PALM2AKAP2: variants seen among roughly 807,000 people sequenced by gnomAD.
PALM2AKAP2 encodes the protein PALM2-AKAP2 fusion protein.
Under a neutral mutation model 71.5 loss-of-function variants are expected in PALM2AKAP2, and 37 were observed. That is an observed-to-expected ratio of 0.52 (90% CI 0.40 to 0.68). The LOEUF (loss-of-function observed/expected upper bound fraction) is 0.68, where lower values mean the gene tolerates loss of function less well. Among genes scored for constraint, PALM2AKAP2 ranks in the 30% least tolerant of loss-of-function variants. PALM2AKAP2 has a pLI of 0.00. For synonymous variants in PALM2AKAP2, 468 were observed against 478.8 expected, an observed-to-expected ratio of 0.98 and a Z score of 0.29; for missense variants, 1,224 against 1,191.8, an observed-to-expected ratio of 1.03 and a Z score of -0.40.
At position 109,766,241 on chromosome 9, in the gene PALM2AKAP2, T is replaced by C. The variant is rs115291622; in HGVS notation, c.6-14247T>C. 1.7e-3 allele frequency among the ~76,000 whole-genome samples: 252 copies of C among 152,296 alleles called. 1 individual carries two copies. Among genetic ancestry groups the C allele is most frequent in the African/African-American group, 5.6e-3 (232 of 41,562 alleles). On this transcript the variant is annotated intron_variant, in intron 1 of 6. Transcript: ENST00000374531. The stretch of plus-strand genomic sequence containing the variant: ...TGTGTAGGTCAAACTGCCGAGTCAA[T>C]GACCCTGCCCAGTGGGAATAGTATT...
intron 6 of PALM2AKAP2, among the ~76,000 whole-genome samples, chr9:109,975,206 A>G (rs555238923): frequency 1.3e-5 from 2 of 152,142 alleles, no homozygotes; most frequent in East Asian, 1.9e-4. Flanking sequence ...ACGATCTACT[A>G]TCTACAAGCT....
At chr9:110,072,088 A>G (rs980715861) in intron 1 of PALM2AKAP2, among the ~76,000 whole-genome samples, 1 of 152,242 alleles carries the variant, frequency 6.6e-6, no homozygotes, top group African/African-American at 2.4e-5. Flanking sequence ...GTATAACCCT[A>G]AACCTATTGG....
At chr9:109,905,342 G>A (rs1204631774) in intron 3 of PALM2AKAP2, among the ~76,000 whole-genome samples, 3 of 152,194 alleles carry the variant, frequency 2.0e-5, no homozygotes, top group South Asian at 2.1e-4. Context: ...CAGGGGGCAC[G>A]CATGAGCCAG....
chr9:109,997,484 A>C (rs1239718619), intron 6 of PALM2AKAP2, among the ~76,000 whole-genome samples: 1 of 152,200 alleles, frequency 6.6e-6, no homozygotes, highest in Admixed American at 6.5e-5. Context: ...CTGGCAAGAC[A>C]TTGAGGGTTT....
At chr9:109,826,241 G>A (rs886857541) in intron 1 of PALM2AKAP2, among the ~76,000 whole-genome samples, 17 of 152,200 alleles carry the variant, frequency 1.1e-4, no homozygotes, top group Non-Finnish European at 1.9e-4. Context: ...GGGAGGGATA[G>A]CATTAGGAGA....
chr9:109,966,956 G>C (rs928656535), intron 6 of PALM2AKAP2, among the ~76,000 whole-genome samples: 3 of 152,130 alleles, frequency 2.0e-5, no homozygotes, highest in African/African-American at 7.2e-5. Context: ...GGATTGTTCT[G>C]GTTGTCTTTT....
chr9:109,668,463 G>A (rs1161802509), intron 1 of PALM2AKAP2, among the ~76,000 whole-genome samples: 1 of 152,224 alleles, frequency 6.6e-6, no homozygotes, highest in Non-Finnish European at 1.5e-5. Context: ...CTCTCTGTTA[G>A]AAGCCTGTCA....
At chr9:109,767,749 CT>C (rs763545661) in intron 1 of PALM2AKAP2, among the ~76,000 whole-genome samples, 1 of 152,168 alleles carries the variant, frequency 6.6e-6, no homozygotes, top group African/African-American at 2.4e-5. Flanking sequence ...ACTCTCTCCC[CT>C]TAGTGTTGGC....
At chr9:109,700,540 T>G (rs1209725082) in intron 1 of PALM2AKAP2, among the ~76,000 whole-genome samples, 1 of 152,214 alleles carries the variant, frequency 6.6e-6, no homozygotes. Context: ...TTTAAATGAT[T>G]TTTTGCTCAA....
exon 2 of PALM2AKAP2, chr9:110,136,588 C>T (rs1835876616): frequency 6.2e-7 from 1 of 1,613,632 alleles, no homozygotes; most frequent in African/African-American, 1.3e-5. Flanking sequence ...ACATCGAGCT[C>T]AGTAATAGCA....
intron 1 of PALM2AKAP2, among the ~76,000 whole-genome samples, chr9:109,810,350 TAAG>T (rs1827695712): frequency 6.6e-6 from 1 of 151,938 alleles, no homozygotes. Context: ...GAAATGAAAA[TAAG>T]AAGGGCTGGC....
chr9:110,095,107 C>T (rs1405034634), intron 1 of PALM2AKAP2, among the ~76,000 whole-genome samples: 2 of 152,180 alleles, frequency 1.3e-5, no homozygotes, highest in African/African-American at 4.8e-5. Flanking sequence ...ATTCTGAGAG[C>T]AGGAATAAGG....
At chr9:109,691,500 G>T (rs948527059) in intron 1 of PALM2AKAP2, among the ~76,000 whole-genome samples, 2 of 151,738 alleles carry the variant, frequency 1.3e-5, no homozygotes, top group Admixed American at 1.3e-4. Flanking sequence ...GGTAGGAAAG[G>T]GATGCTCCCA....
At chr9:110,147,314 C>G (rs1020928793) in intron 2 of PALM2AKAP2, among the ~76,000 whole-genome samples, 1 of 151,496 alleles carries the variant, frequency 6.6e-6, no homozygotes, top group South Asian at 2.1e-4. Flanking sequence ...ATGACAGTCA[C>G]TTCTCTGGAT....
At chr9:109,997,479 A>C (rs1243179245) in intron 6 of PALM2AKAP2, among the ~76,000 whole-genome samples, 1 of 152,222 alleles carries the variant, frequency 6.6e-6, no homozygotes, top group African/African-American at 2.4e-5. Flanking sequence ...CCACACTGGC[A>C]AGACATTGAG....
chr9:109,703,787 T>A (rs547217120), intron 1 of PALM2AKAP2, among the ~76,000 whole-genome samples: 1 of 152,208 alleles, frequency 6.6e-6, no homozygotes, highest in African/African-American at 2.4e-5. Context: ...GGGCAGGTAC[T>A]GAGGTAAAAA....
At chr9:110,090,394 G>GGATGCTGTT (rs1834679148) in intron 1 of PALM2AKAP2, 1 of 456,688 alleles carries the variant, frequency 2.2e-6, no homozygotes, top group Non-Finnish European at 4.4e-6. Context: ...ATTGCCACCT[G>GGATGCTGTT]GATGCTGTTC....
intron 3 of PALM2AKAP2, among the ~76,000 whole-genome samples, chr9:109,886,321 C>T (rs1313043307): frequency 6.6e-6 from 1 of 152,196 alleles, no homozygotes; most frequent in Non-Finnish European, 1.5e-5. Flanking sequence ...TCGAGCCACA[C>T]TAGCCCTGTT....
intron 1 of PALM2AKAP2, among the ~76,000 whole-genome samples, chr9:109,754,673 G>T (rs1251972777): frequency 6.6e-6 from 1 of 152,080 alleles, no homozygotes; most frequent in Non-Finnish European, 1.5e-5. Context: ...CTTGGTGAGG[G>T]TTCTCTTCCT....
Sources: allele counts gnomAD v4.1 joint callset (sites outside exome capture counted in the v4.1 genomes callset), GRCh38; gene constraint gnomAD v4.1.1; transcripts MANE v1.5; gene names NCBI Gene and HGNC (gene_info 2026-07-23, HGNC 2026-07-21).